Variants in NCOA7 observed in about 807,000 individuals in gnomAD.
NCOA7 encodes the protein nuclear receptor coactivator 7, also known as 140 kDa estrogen receptor-associated protein.
A neutral mutation model predicts 104.3 loss-of-function variants in NCOA7; 45 were observed. The observed-to-expected ratio is 0.43, with a 90% CI of 0.34 to 0.55. The LOEUF (loss-of-function observed/expected upper bound fraction) is 0.55. NCOA7 is among the 20% of genes least tolerant of loss of function. NCOA7 has a pLI of 0.02. For missense variants in NCOA7, 1,041 were observed against 1,119.7 expected (o/e 0.93, Z 1.00); for synonymous variants, 398 against 402.3 (o/e 0.99, Z 0.13).
At chr6:125,915,771 C>T (rs757965835) in intron 11 of NCOA7, among the ~76,000 whole-genome samples, 34 of 151,654 alleles carry the variant, frequency 2.2e-4, no homozygotes, top group Non-Finnish European at 4.0e-4. Context: ...TTGTAAAGGG[C>T]AAGATAATAA....
chr6:125,854,140 A>G (rs1781359925), intron 2 of NCOA7, among the ~76,000 whole-genome samples: 1 of 152,232 alleles, frequency 6.6e-6, no homozygotes, highest in Admixed American at 6.5e-5. Context: ...CATAATTTTA[A>G]AATACATATT....
chr6:125,834,807 A>G (rs768253761), intron 2 of NCOA7, among the ~76,000 whole-genome samples: 2 of 152,242 alleles, frequency 1.3e-5, no homozygotes, highest in Non-Finnish European at 2.9e-5. Flanking sequence ...TTTTAAAGGC[A>G]AAAAAGAGAT....
At position 125,930,165 on chromosome 6, in the gene NCOA7, C is replaced by G. The variant is rs1788378585; in HGVS notation, c.*1394C>G. 1 of 152,218 alleles carries G rather than the reference C, an allele frequency of 6.6e-6. No homozygotes were observed. The highest frequency in any genetic ancestry group is 6.5e-5 in the Admixed American group (1 of 15,280). 9.4% of individuals were successfully genotyped at this position (152,218 alleles called of 1,614,324 possible). A position where few individuals can be genotyped will look rare whatever the true frequency, so the allele number is the denominator to read the frequency against. On this transcript the variant is annotated 3_prime_UTR_variant, in exon 16 of 16. Coordinates refer to ENST00000392477, the MANE Select transcript of NCOA7 (RefSeq NM_181782.5). ...TCAAGGTCACAAGTTTGAGACCAGT[C>G]TGGCCAACATGGTGAAACCCCATCT...
At chr6:125,901,853 G>A (rs1199184831) in intron 10 of NCOA7, among the ~76,000 whole-genome samples, 1 of 152,118 alleles carries the variant, frequency 6.6e-6, no homozygotes, top group Non-Finnish European at 1.5e-5. Flanking sequence ...TCAGTGGGAT[G>A]GGGAGCTGGA....
At chr6:125,836,541 C>A (rs1206628282) in intron 2 of NCOA7, among the ~76,000 whole-genome samples, 1 of 152,130 alleles carries the variant, frequency 6.6e-6, no homozygotes, top group Non-Finnish European at 1.5e-5. Context: ...TGTTATCATT[C>A]CATTTTGGTT....
intron 11 of NCOA7, among the ~76,000 whole-genome samples, chr6:125,920,557 C>CTTTA (rs935548497): frequency 3.3e-5 from 5 of 152,076 alleles, no homozygotes; most frequent in East Asian, 1.9e-4. Flanking sequence ...AAACTCGTGA[C>CTTTA]TTTATTTATT....
intron 2 of NCOA7, among the ~76,000 whole-genome samples, chr6:125,826,388 C>T (rs1778662179): frequency 6.7e-6 from 1 of 150,282 alleles, no homozygotes; most frequent in Non-Finnish European, 1.5e-5. Flanking sequence ...TGAAAAATTA[C>T]AAAATTAATT....
chr6:125,923,245 A>G (rs1041523435), intron 13 of NCOA7, among the ~76,000 whole-genome samples: 4 of 152,202 alleles, frequency 2.6e-5, no homozygotes, highest in African/African-American at 7.2e-5. Context: ...CAGGTAGCCA[A>G]AGTAGTGCCC....
chr6:125,865,839 T>TTTTCTTTCTTTCTTTC (rs568498594), intron 3 of NCOA7, among the ~76,000 whole-genome samples: 3 of 133,930 alleles, frequency 2.2e-5, no homozygotes, highest in Admixed American at 1.4e-4. Flanking sequence ...AATTTTTATA[T>TTTTCTTTCTTTCTTTC]TTTCTTTCTT....
rs143266378 is a variant in NCOA7 at position 125,859,061 on chromosome 6, A to C, written c.271+3821A>C. 4.6e-3 allele frequency among the ~76,000 whole-genome samples: 708 copies of C among 152,296 alleles called. 4 individuals carry two copies. The highest frequency in any genetic ancestry group is 0.012 in the African/African-American group (504 of 41,560). On this transcript the variant is annotated intron_variant, in intron 3 of 15. Coordinates refer to ENST00000392477, the MANE Select transcript of NCOA7 (RefSeq NM_181782.5). The stretch of plus-strand genomic sequence containing the variant: ...GGAGAGCCATTGGAGGAGAATGTCA[A>C]GGGAAAAGGAAATTCTTTACTTTTT...
At chr6:125,784,602 G>A (rs888777298) in intron 1 of NCOA7, among the ~76,000 whole-genome samples, 3 of 152,166 alleles carry the variant, frequency 2.0e-5, no homozygotes, top group African/African-American at 4.8e-5. Context: ...CATAGCAGTA[G>A]CTTTATTCAT....
intron 3 of NCOA7, among the ~76,000 whole-genome samples, chr6:125,860,591 ACC>A (rs964225330): frequency 3.3e-5 from 5 of 152,048 alleles, no homozygotes; most frequent in Admixed American, 2.0e-4. Flanking sequence ...CAAGTGATCC[ACC>A]CACCTCGGCC....
intron 2 of NCOA7, among the ~76,000 whole-genome samples, chr6:125,848,230 A>G (rs1780795227): frequency 6.6e-6 from 1 of 152,182 alleles, no homozygotes; most frequent in South Asian, 2.1e-4. Context: ...ACCATTGTGG[A>G]AGTCAGTGTG....
chr6:125,826,590 T>C (rs1040162156), intron 2 of NCOA7, among the ~76,000 whole-genome samples: 1 of 152,140 alleles, frequency 6.6e-6, no homozygotes, highest in African/African-American at 2.4e-5. Context: ...ATTCTTTATG[T>C]TATGAAGAGA....
chr6:125,821,027 T>C (rs1043727197), intron 2 of NCOA7, among the ~76,000 whole-genome samples: 18 of 152,106 alleles, frequency 1.2e-4, no homozygotes, highest in African/African-American at 3.9e-4. Context: ...CCTCACCACT[T>C]GAGTGGCTTG....
At position 125,885,139 on chromosome 6, in the gene NCOA7, C is replaced by A; in HGVS notation, c.700-20C>A. The A allele has an allele frequency of 1.9e-6, 3 of 1,612,022 alleles. No individual in the cohort carries two copies. Among genetic ancestry groups the A allele is most frequent in the Non-Finnish European group, 2.5e-6 (3 of 1,178,586 alleles). ...GCATTTCTGCCTGAAGTGATTCTGT[C>A]CTGTTGCTTTCTCCTGCAGGGTGTG... On this transcript the variant is annotated intron_variant, in intron 7 of 15. Transcript: ENST00000392477.
At position 125,889,716 on chromosome 6, in the gene NCOA7, G is replaced by A; in HGVS notation, c.1662G>A (p.Gly554=). 6.2e-7 allele frequency: 1 copy of A among 1,613,982 alleles called. No individual in the cohort carries two copies. Among genetic ancestry groups the A allele is most frequent in the Non-Finnish European group, 8.5e-7 (1 of 1,179,994 alleles). Residue 554 remains glycine (G), a synonymous_variant, in exon 9 of 16, where the codon GGG becomes GGA. Coordinates refer to ENST00000392477, the MANE Select transcript of NCOA7 (RefSeq NM_181782.5). ...GTGATGGAAAAAGTATTGAACCAGGGGGAATAGACATTACCCTTAGTAGTT... is the reference window on the plus strand; with the variant it reads ...GTGATGGAAAAAGTATTGAACCAGGAGGAATAGACATTACCCTTAGTAGTT... ...ELSDGKSIEP[G]GIDITLSSSL... is the part of the protein sequence containing the mutation.
upstream of NCOA7, among the ~76,000 whole-genome samples, chr6:125,788,234 A>G (rs550398735): frequency 7.2e-5 from 11 of 152,354 alleles, no homozygotes; most frequent in East Asian, 1.9e-3. Context: ...CAGTCTAGCC[A>G]TAATTTAAAT....
At chr6:125,912,520 G>A (rs1397843955) in intron 10 of NCOA7, among the ~76,000 whole-genome samples, 1 of 152,216 alleles carries the variant, frequency 6.6e-6, no homozygotes, top group Non-Finnish European at 1.5e-5. Flanking sequence ...ATTGTATGGA[G>A]GCTGTGAAGG....
Sources: allele counts gnomAD v4.1 joint callset (sites outside exome capture counted in the v4.1 genomes callset), GRCh38; gene constraint gnomAD v4.1.1; transcripts MANE v1.5; gene names NCBI Gene and HGNC (gene_info 2026-07-23, HGNC 2026-07-21).